ATG7: variants seen among roughly 807,000 people sequenced by gnomAD.
The protein encoded by ATG7 is autophagy related 7.
A neutral mutation model predicts 82.4 loss-of-function variants in ATG7; 70 were observed. That is an observed-to-expected ratio of 0.85 (90% CI 0.70 to 1.04). ATG7 has a LOEUF of 1.04. Among genes scored for constraint, ATG7 ranks in the 50% least tolerant of loss-of-function variants. The pLI, the probability that ATG7 is intolerant of heterozygous loss-of-function variation, is 0.00. For synonymous variants in ATG7, 287 were observed against 313.0 expected, an observed-to-expected ratio of 0.92 and a Z score of 0.88; for missense variants, 792 against 864.3, an observed-to-expected ratio of 0.92 and a Z score of 1.05.
chr3:11,300,587 C>T (rs762938158), intron 5 of ATG7, among the ~76,000 whole-genome samples: 6 of 151,848 alleles, frequency 4.0e-5, no homozygotes, highest in South Asian at 2.1e-4. Flanking sequence ...GAACTGGAGA[C>T]GGGGAGAAAG....
intron 20 of ATG7, among the ~76,000 whole-genome samples, chr3:11,432,104 G>A (rs1195699647): frequency 3.3e-5 from 5 of 152,196 alleles, no homozygotes; most frequent in African/African-American, 1.2e-4. Context: ...AGGGTGCATA[G>A]TGGAGACTGG....
intron 19 of ATG7, among the ~76,000 whole-genome samples, chr3:11,400,029 A>G (rs952681587): frequency 2.2e-4 from 34 of 152,224 alleles, no homozygotes; most frequent in Admixed American, 2.1e-3. Context: ...ATGTTAAGAA[A>G]ATAAATAGGT....
At chr3:11,472,230 C>A (rs756931111) in intron 20 of ATG7, among the ~76,000 whole-genome samples, 2 of 152,160 alleles carry the variant, frequency 1.3e-5, no homozygotes, top group African/African-American at 4.8e-5. Context: ...AGCAAACTTT[C>A]CATCTCCCCC....
chr3:11,275,476 G>A (rs1941547286), intron 1 of ATG7, among the ~76,000 whole-genome samples: 2 of 150,362 alleles, frequency 1.3e-5, no homozygotes, highest in Non-Finnish European at 3.0e-5. Context: ...AGCCTCCCCA[G>A]GAACTGGGAC....
At chr3:11,499,747 C>CAA (rs1166664089) in intron 20 of ATG7, among the ~76,000 whole-genome samples, 7 of 96,416 alleles carry the variant, frequency 7.3e-5, no homozygotes, top group South Asian at 3.4e-4. Flanking sequence ...AACTCCATCT[C>CAA]AAAAAAAAAA....
In ATG7 at chr3:11,556,643, AATG is replaced by A. The variant is rs1467121588; in HGVS notation, c.*1803_*1805del. ...TTTTTTCCGAACAACAAAAAAAATG[AATG>A]ATTACAATAGGAAAGGGAAAAATTA... is the stretch of plus-strand genomic sequence containing the variant. On this transcript the variant is annotated 3_prime_UTR_variant, in exon 21 of 21. Transcript: ENST00000693202. 2.0e-5 allele frequency: 3 copies of A among 152,744 alleles called. No individual in the cohort carries two copies. The highest frequency in any genetic ancestry group is 7.2e-5 in the African/African-American group (3 of 41,522). 9.5% of individuals were successfully genotyped at this position (152,744 alleles called of 1,614,324 possible). A position where few individuals can be genotyped will look rare whatever the true frequency, so the allele number is the denominator to read the frequency against.
In ATG7 at chr3:11,340,671, A is replaced by G; in HGVS notation, c.916A>G (p.Lys306Glu). The G allele has an allele frequency of 1.9e-6, 3 of 1,613,914 alleles. No individual in the cohort carries two copies. Among genetic ancestry groups the G allele is most frequent in the Non-Finnish European group, 2.5e-6 (3 of 1,179,866 alleles). Residue 306 changes from lysine (K) to glutamate (E), a missense_variant, in exon 12 of 21, where the codon AAG becomes GAG. Lys to Glu is a moderately conservative substitution (Grantham distance 56). Coordinates refer to ENST00000693202, the MANE Select transcript of ATG7 (RefSeq NM_001349232.2). ...PDCPKAVGWE[K>E]NQKGGMGPRM... Reference sequence around the variant, plus strand: ...TTGTCCTAAAGCAGTTGGATGGGAAAAGAACCAGAAAGGAGGCATGGGACC... The same window carrying G: ...TTGTCCTAAAGCAGTTGGATGGGAAGAGAACCAGAAAGGAGGCATGGGACC...
chr3:11,327,033 T>C (rs1034615415), intron 9 of ATG7, among the ~76,000 whole-genome samples: 1 of 152,198 alleles, frequency 6.6e-6, no homozygotes, highest in Admixed American at 6.5e-5. Flanking sequence ...TCACTTTTCC[T>C]GCTCTAGCTG....
intron 18 of ATG7, among the ~76,000 whole-genome samples, chr3:11,375,278 C>G (rs1429229943): frequency 6.6e-6 from 1 of 152,066 alleles, no homozygotes; most frequent in African/African-American, 2.4e-5. Context: ...GATAAGAAAC[C>G]TTTATCCAGA....
chr3:11,471,743 TTC>T (rs1491073601), intron 20 of ATG7, among the ~76,000 whole-genome samples: 11 of 89,410 alleles, frequency 1.2e-4, no homozygotes, highest in African/African-American at 5.0e-4. Flanking sequence ...CTTTTTAGAT[TTC>T]TTTTTTTTTT....
intron 9 of ATG7, among the ~76,000 whole-genome samples, chr3:11,325,269 C>T (rs908586527): frequency 3.3e-5 from 5 of 152,178 alleles, no homozygotes; most frequent in Non-Finnish European, 5.9e-5. Flanking sequence ...TTGGACTGAA[C>T]AAAGAGGTCA....
chr3:11,273,292 A>G (rs1240537020), intron 1 of ATG7, among the ~76,000 whole-genome samples: 2 of 151,914 alleles, frequency 1.3e-5, no homozygotes, highest in Non-Finnish European at 2.9e-5. Context: ...TTTCTCTGAC[A>G]CCTCTGCCCA....
At chr3:11,448,790 G>A (rs2084824871) in intron 20 of ATG7, among the ~76,000 whole-genome samples, 1 of 152,152 alleles carries the variant, frequency 6.6e-6, no homozygotes, top group African/African-American at 2.4e-5. Flanking sequence ...GGGTGGGTAA[G>A]GGGGTCGCTG....
chr3:11,372,251 T>C (rs1018371256), intron 18 of ATG7, among the ~76,000 whole-genome samples: 1 of 151,124 alleles, frequency 6.6e-6, no homozygotes, highest in African/African-American at 2.4e-5. Context: ...AGGTGGGTTT[T>C]TTAATATTCA....
At chr3:11,570,540 A>G in the ATG7 span, among the ~76,000 whole-genome samples, 1 of 152,210 alleles carries the variant, frequency 6.6e-6, no homozygotes. Context: ...ACGGGTGACC[A>G]CATACCAGAT....
Position 11,358,439 on chromosome 3 carries a change from A to T in ATG7, c.1306A>T (p.Ser436Cys), listed in dbSNP as rs1047411832. 4 of 1,613,682 alleles carry T rather than the reference A, an allele frequency of 2.5e-6. No homozygotes were observed. The African/African-American group carries it at 5.3e-5, about 22-fold the overall frequency. The change falls in exon 15 of 21, where the codon AGC becomes TGC. Residue 436 changes from serine (S) to cysteine (C), a missense_variant. Coordinates refer to ENST00000693202, the MANE Select transcript of ATG7 (RefSeq NM_001349232.2). ...CTAGAATGCCAGAGGATTCAACATG[A>T]GCATACCTATGCCTGGGCATCCAGT... ...PGVNARGFNM[S>C]IPMPGHPVNF... is the part of the protein sequence containing the mutation.
intron 20 of ATG7, among the ~76,000 whole-genome samples, chr3:11,475,253 G>T (rs1460364199): frequency 3.3e-5 from 5 of 152,058 alleles, no homozygotes; most frequent in Non-Finnish European, 7.4e-5. Context: ...CCAGTCATGC[G>T]GGTTTATGTG....
At chr3:11,521,299 C>A (rs1324531497) in intron 20 of ATG7, among the ~76,000 whole-genome samples, 2 of 152,118 alleles carry the variant, frequency 1.3e-5, no homozygotes, top group Non-Finnish European at 2.9e-5. Context: ...CAGGGGAAAG[C>A]AGAGTGTGAC....
chr3:11,564,656 G>A, the ATG7 span: 9 of 831,060 alleles, frequency 1.1e-5, no homozygotes, highest in Admixed American at 1.7e-4. Context: ...AGAGGCGAAG[G>A]GTGGCATCCC....
Sources: gnomAD v4.1 joint callset for allele counts (sites outside exome capture counted in the v4.1 genomes callset) on GRCh38, gnomAD v4.1.1 for gene constraint, MANE v1.5 for transcripts, NCBI Gene and HGNC (gene_info 2026-07-23, HGNC 2026-07-21) for gene names.